Variants in PRKAG3 observed in about 807,000 individuals in gnomAD.
PRKAG3 encodes protein kinase AMP-activated non-catalytic subunit gamma 3, also known as 5'-AMP-activated protein kinase subunit gamma-3.
In PRKAG3, 39 loss-of-function variants were observed where a neutral mutation model predicts 56.5. That is an observed-to-expected ratio of 0.69 (90% CI 0.53 to 0.90). The LOEUF (loss-of-function observed/expected upper bound fraction) is 0.90. Ranked by LOEUF, PRKAG3 falls within the 40% of genes least tolerant of loss-of-function variation. PRKAG3 has a pLI of 0.00. For missense variants in PRKAG3, 628 were observed against 627.5 expected, an observed-to-expected ratio of 1.00 and a Z score of -0.01; for synonymous variants, 243 against 250.1, an observed-to-expected ratio of 0.97 and a Z score of 0.27.
chr2:218,823,162 G>T, downstream of PRKAG3: 1 of 685,030 alleles, frequency 1.5e-6, no homozygotes, highest in Non-Finnish European at 1.8e-6. Flanking sequence ...GCCATGGTGA[G>T]TAGATGGAAT....
intron 10 of PRKAG3, among the ~76,000 whole-genome samples, chr2:218,825,354 A>G (rs2105986147): frequency 6.7e-6 from 1 of 149,722 alleles, no homozygotes; most frequent in African/African-American, 2.5e-5. Context: ...AAAAAAAAAA[A>G]ATTCTTGGCC....
At chr2:218,826,906 C>T (rs746586794) in intron 10 of PRKAG3, 22 bp downstream of exon 10, 5 of 1,613,664 alleles carry the variant, frequency 3.1e-6, no homozygotes, top group Non-Finnish European at 4.2e-6. Context: ...CAGCCCGAGC[C>T]TCTCATCCTG....
Position 218,827,066 on chromosome 2 carries a change from G to T in PRKAG3, c.1030C>A (p.Leu344Ile). ...CCCAAATCTTGGATAGTGCGGTAGA[G>T]GAAGGAGGGCCGGGGCAGCAGGGAA... Residue 344 changes from leucine to isoleucine, a missense_variant, in exon 10 of 13, where the codon CTC becomes ATC. Transcript: ENST00000529249. The surrounding 1 kb of genome is among the most constrained non-coding windows in gnomAD (Gnocchi z 5.3). 1 of 1,613,668 alleles carries T rather than the reference G, an allele frequency of 6.2e-7. No homozygotes were observed. The highest frequency in any genetic ancestry group is 2.2e-5 in the East Asian group (1 of 44,876).
chr2:218,830,488 T>C, intron 3 of PRKAG3, 107 bp from the exon 4 acceptor site: 1 of 1,415,076 alleles, frequency 7.1e-7, no homozygotes, highest in Non-Finnish European at 9.6e-7. Flanking sequence ...CTGGATGCTG[T>C]GGCCCTATTT....
downstream of PRKAG3, chr2:218,822,349 GAAGA>G (rs1943859224): frequency 6.6e-6 from 1 of 152,164 alleles, no homozygotes; most frequent in Non-Finnish European, 1.5e-5. Flanking sequence ...AAAGAAAAGA[GAAGA>G]AAGAAATTTC....
chr2:218,830,986 G>T (rs942790184), intron 2 of PRKAG3, 85 bp from the exon 3 acceptor site: 4 of 1,482,738 alleles, frequency 2.7e-6, no homozygotes, highest in African/African-American at 2.8e-5. Context: ...TTTAGGATTT[G>T]CAAGCTTCCA....
intron 4 of PRKAG3, 126 bp downstream of exon 4, chr2:218,829,852 A>G: frequency 8.5e-7 from 1 of 1,172,252 alleles, no homozygotes. Context: ...TAGTGCTAAG[A>G]AGGAGTCCTT....
In PRKAG3 at chr2:218,830,302, A is replaced by G. The variant is rs750214612; in HGVS notation, c.309T>C (p.Asp103=). ...TTGGTGGAGTGCCCACCCCGGCAGGATCAGCTTGAGCCAAGGGTGTGGTCT... is the reference window on the plus strand; with the variant it reads ...TTGGTGGAGTGCCCACCCCGGCAGGGTCAGCTTGAGCCAAGGGTGTGGTCT... Residue 103 remains aspartate, a synonymous_variant, in exon 4 of 13, where the codon GAT becomes GAC. Transcript: ENST00000529249. 1.2e-5 allele frequency: 20 copies of G among 1,613,088 alleles called. No individual in the cohort carries two copies. In the East Asian group the frequency reaches 2.0e-4, roughly 16 times the overall value.
exon 1 of PRKAG3, chr2:218,831,739 C>T (rs768697010): frequency 8.1e-6 from 13 of 1,610,988 alleles, no homozygotes; most frequent in Admixed American, 6.7e-5. Context: ...CCCCCATACC[C>T]TGCGCAGTGC....
At position 218,827,053 on chromosome 2, in the gene PRKAG3, A is replaced by G. The variant is rs1318660451; in HGVS notation, c.1043T>C (p.Ile348Thr). The change falls in exon 10 of 13, where the codon ATC becomes ACC. Residue 348 changes from isoleucine to threonine, a missense_variant. Physicochemically the swap from Ile to Thr is moderately conservative, Grantham distance 89. Coordinates refer to ENST00000529249, the Ensembl canonical transcript of PRKAG3. The surrounding 1 kb of genome is among the most constrained non-coding windows in gnomAD (Gnocchi z 5.3). ...GAATGTGCCGATGCCCAAATCTTGGATAGTGCGGTAGAGGAAGGAGGGCCG... is the reference window on the plus strand; with the variant it reads ...GAATGTGCCGATGCCCAAATCTTGGGTAGTGCGGTAGAGGAAGGAGGGCCG... 2 of 1,613,804 alleles carry G rather than the reference A, an allele frequency of 1.2e-6. No homozygotes were observed. Among genetic ancestry groups the G allele is most frequent in the African/African-American group, 2.7e-5 (2 of 74,928 alleles).
At position 218,824,527 on chromosome 2, in the gene PRKAG3, A is replaced by G. The variant is rs1245608063; in HGVS notation, c.1206+12T>C. On this transcript the variant is annotated intron_variant, in intron 11 of 12. Coordinates refer to ENST00000529249, the Ensembl canonical transcript of PRKAG3. ...CCTCCCTGCAGCATCCCACCTTTCC[A>G]GCGACACTTACAATCACATCAAAGC... is the stretch of plus-strand genomic sequence containing the variant. 27 of 1,610,536 alleles carry G rather than the reference A, an allele frequency of 1.7e-5. 1 individual carries two copies. In the Admixed American group the frequency reaches 4.5e-4, roughly 27 times the overall value.
chr2:218,824,564 C>A (rs752973172), exon 11 of PRKAG3: 1 of 1,612,724 alleles, frequency 6.2e-7, no homozygotes, highest in African/African-American at 1.3e-5. Flanking sequence ...GGAATAGAGG[C>A]CCACGACCTG....
rs777210601 is a variant in PRKAG3, at chr2:218,824,598, G to C, written c.1169-22C>G. Reference sequence around the variant, plus strand: ...TGACCTGCAGAGGGTGGTTGTGGGGGGTGGGGGGAGAAAGACAGGGAAGAG... The same window carrying C: ...TGACCTGCAGAGGGTGGTTGTGGGGCGTGGGGGGAGAAAGACAGGGAAGAG... On this transcript the variant is annotated intron_variant, in intron 10 of 12. Transcript: ENST00000529249. 9 of 1,602,534 alleles carry C rather than the reference G, an allele frequency of 5.6e-6. No individual in the cohort carries two copies. In the African/African-American group the frequency reaches 8.0e-5, roughly 14 times the overall value.
exon 4 of PRKAG3, chr2:218,830,295 C>T (rs759701909): frequency 2.0e-5 from 33 of 1,613,228 alleles, no homozygotes; most frequent in East Asian, 1.8e-4. Flanking sequence ...GTGCCCACCC[C>T]GGCAGGATCA....
intron 12 of PRKAG3, 151 bp from the exon 13 acceptor site, chr2:218,824,029 G>A: frequency 8.3e-7 from 1 of 1,199,572 alleles, no homozygotes; most frequent in Admixed American, 1.9e-5. Flanking sequence ...ACCGGCCTAA[G>A]GTGATCAGTT....
intron 3 of PRKAG3, 51 bp from the exon 4 acceptor site, chr2:218,830,432 G>C: frequency 6.4e-7 from 1 of 1,564,680 alleles, no homozygotes; most frequent in Non-Finnish European, 8.7e-7. Flanking sequence ...TCCAAAGCAC[G>C]TTCTCATCTG....
chr2:218,823,953 C>A, intron 12 of PRKAG3, 75 bp from the exon 13 acceptor site: 1 of 1,437,262 alleles, frequency 7.0e-7, no homozygotes, highest in East Asian at 2.3e-5. Flanking sequence ...TGCCAAGAAT[C>A]AGGGGAAACA....
chr2:218,826,593 C>T, intron 10 of PRKAG3: 1 of 362,996 alleles, frequency 2.8e-6, no homozygotes, highest in South Asian at 2.2e-5. Context: ...TACAGCCATG[C>T]ACCACGTGTC....
At chr2:218,823,052 G>C (rs1943877929), downstream of PRKAG3, 1 of 973,644 alleles carries the variant, frequency 1.0e-6, no homozygotes, top group South Asian at 4.7e-5. Flanking sequence ...GTAGGGCAAG[G>C]GCAATTTGGG....
Sources: allele counts gnomAD v4.1 joint callset (sites outside exome capture counted in the v4.1 genomes callset), GRCh38; gene constraint gnomAD v4.1.1; non-coding constraint Gnocchi (gnomAD v3.1); transcripts MANE v1.5; gene names NCBI Gene and HGNC (gene_info 2026-07-23, HGNC 2026-07-21).